GRIK3: variants seen among roughly 807,000 people sequenced by gnomAD.
GRIK3 encodes glutamate ionotropic receptor kainate type subunit 3.
A neutral mutation model predicts 102.5 loss-of-function variants in GRIK3; 29 were observed. The observed-to-expected ratio is 0.28, with a 90% CI of 0.21 to 0.39. GRIK3 has a LOEUF of 0.39. Ranked by LOEUF, GRIK3 falls within the 10% of genes least tolerant of loss-of-function variation. The probability of loss-of-function intolerance (pLI) is 1.00; values close to 1 mark genes in which losing one functional copy is unlikely to be tolerated. For synonymous variants in GRIK3, 511 were observed against 504.9 expected (o/e 1.01, Z -0.16); for missense variants, 908 against 1,252.4 (o/e 0.73, Z 4.15).
At chr1:36,986,469 T>TCAGC (rs781576806) in intron 1 of GRIK3, among the ~76,000 whole-genome samples, 1,739 of 143,840 alleles carry the variant, frequency 0.012, 13 homozygotes, top group Admixed American at 0.024. Context: ...CATCAGCCCA[T>TCAGC]CCATCCATCC....
chr1:37,015,406 C>T (rs889773580), intron 1 of GRIK3, among the ~76,000 whole-genome samples: 11 of 152,194 alleles, frequency 7.2e-5, no homozygotes, highest in Non-Finnish European at 1.6e-4. Flanking sequence ...AAACATCTCC[C>T]AAATTAATCT....
At chr1:36,816,240 C>A (rs759272608) in intron 13 of GRIK3, among the ~76,000 whole-genome samples, 1 of 152,136 alleles carries the variant, frequency 6.6e-6, no homozygotes, top group African/African-American at 2.4e-5. Flanking sequence ...AGAAATAATT[C>A]GAGTACCAGC....
intron 1 of GRIK3, among the ~76,000 whole-genome samples, chr1:36,973,745 A>G (rs1642168040): frequency 6.6e-6 from 1 of 152,046 alleles, no homozygotes; most frequent in Non-Finnish European, 1.5e-5. Context: ...TCACTTCTTT[A>G]GGGAAAAACT....
intron 1 of GRIK3, among the ~76,000 whole-genome samples, chr1:37,031,555 C>G (rs545812563): frequency 1.5e-4 from 23 of 152,228 alleles, no homozygotes; most frequent in Non-Finnish European, 2.2e-4. Flanking sequence ...AAGCCCTCTC[C>G]GGGCTGGTGC....
chr1:36,989,805 C>T (rs1570849363), intron 1 of GRIK3, among the ~76,000 whole-genome samples: 1 of 152,290 alleles, frequency 6.6e-6, no homozygotes, highest in Non-Finnish European at 1.5e-5. Flanking sequence ...TAGCCCTAAC[C>T]CATAGCCTCT....
At chr1:37,022,199 G>A (rs1284836988) in intron 1 of GRIK3, among the ~76,000 whole-genome samples, 1 of 152,224 alleles carries the variant, frequency 6.6e-6, no homozygotes, top group Non-Finnish European at 1.5e-5. Flanking sequence ...AGCCAGTGAT[G>A]TGGTAAAGAC....
intron 10 of GRIK3, among the ~76,000 whole-genome samples, chr1:36,828,184 T>G (rs751848366): frequency 1.3e-4 from 20 of 151,956 alleles, no homozygotes; most frequent in Non-Finnish European, 1.9e-4. Flanking sequence ...GTAGATAGGA[T>G]CCCTTGGTGG....
At chr1:36,993,112 A>G (rs1642380359) in intron 1 of GRIK3, among the ~76,000 whole-genome samples, 1 of 152,150 alleles carries the variant, frequency 6.6e-6, no homozygotes, top group African/African-American at 2.4e-5. Context: ...CAGCCATGGA[A>G]GAAGAGCCAG....
At chr1:36,866,940 C>G (rs1027007887) in intron 5 of GRIK3, among the ~76,000 whole-genome samples, 2 of 152,186 alleles carry the variant, frequency 1.3e-5, no homozygotes, top group Admixed American at 1.3e-4. Flanking sequence ...GTGCTGGGGA[C>G]AGAGAGGTTA....
chr1:36,871,182 C>T (rs1640838725), intron 4 of GRIK3, among the ~76,000 whole-genome samples: 1 of 152,160 alleles, frequency 6.6e-6, no homozygotes, highest in African/African-American at 2.4e-5. Flanking sequence ...TGCTCCAGGG[C>T]ACACAACGTG....
chr1:36,966,082 C>A (rs1557444687), intron 1 of GRIK3, among the ~76,000 whole-genome samples: 1 of 152,188 alleles, frequency 6.6e-6, no homozygotes. Context: ...AGAAATATGC[C>A]CCATGGTCCC....
At position 36,849,920 on chromosome 1, in the gene GRIK3, G is replaced by C. The variant is rs527759416; in HGVS notation, c.1326+391C>G. On this transcript the variant is annotated intron_variant, in intron 9 of 15. Coordinates refer to ENST00000373091, the MANE Select transcript of GRIK3 (RefSeq NM_000831.4). Reference sequence around the variant, plus strand: ...CTCCCAGCACCTGCTGGGCTCTCGAGGTGTGGCCACAGCACCCACCACAGC... The same window carrying C: ...CTCCCAGCACCTGCTGGGCTCTCGACGTGTGGCCACAGCACCCACCACAGC... 25 of 195,468 alleles carry C rather than the reference G, an allele frequency of 1.3e-4. No homozygotes were observed. In the South Asian group the frequency reaches 2.2e-3, roughly 17 times the overall value. 12.1% of individuals were successfully genotyped at this position (195,468 alleles called of 1,614,324 possible). A position where few individuals can be genotyped will look rare whatever the true frequency, so the allele number is the denominator to read the frequency against.
At chr1:36,923,220 C>A (rs2124306372) in intron 1 of GRIK3, among the ~76,000 whole-genome samples, 1 of 152,256 alleles carries the variant, frequency 6.6e-6, no homozygotes, top group Non-Finnish European at 1.5e-5. Context: ...TTGCCCACAG[C>A]AAATGAGGAA....
At chr1:37,008,300 C>A (rs1303105375) in intron 1 of GRIK3, among the ~76,000 whole-genome samples, 1 of 152,336 alleles carries the variant, frequency 6.6e-6, no homozygotes, top group African/African-American at 2.4e-5. Context: ...TGAGCCTCAG[C>A]ATCCTCATCT....
intron 2 of GRIK3, among the ~76,000 whole-genome samples, chr1:36,885,256 T>C (rs771861492): frequency 1.2e-4 from 18 of 152,066 alleles, no homozygotes; most frequent in Non-Finnish European, 1.8e-4. Context: ...GATGTCAGCA[T>C]TGATGAGAGA....
chr1:36,872,443 G>T lies in GRIK3; in HGVS notation c.551-74C>A. The T allele has an allele frequency of 8.1e-7, 1 of 1,228,600 alleles. No individual in the cohort carries two copies. Among genetic ancestry groups the T allele is most frequent in the African/African-American group, 1.5e-5 (1 of 66,134 alleles). The allele number at this position is 1,228,600 out of a possible 1,614,324, so 76.1% of individuals were successfully genotyped here. ...CAGCTCCAGGCATCCACTTGGACTT[G>T]TGTGCACACACATGCCCATGGCCAC... On this transcript the variant is annotated intron_variant, in intron 3 of 15. Coordinates refer to ENST00000373091, the MANE Select transcript of GRIK3 (RefSeq NM_000831.4). This position sits in a 1 kb window ranked among gnomAD's most constrained non-coding sequence, Gnocchi z 5.9.
At position 37,030,500 on chromosome 1, in the gene GRIK3, A is replaced by C. The variant is rs1474040878; in HGVS notation, c.115+3494T>G. Among the ~76,000 whole-genome samples the C allele has an allele frequency of 2.6e-5, 4 of 151,214 alleles. No homozygotes were observed. The East Asian group carries it at 7.7e-4, about 29-fold the overall frequency. ...AGTTCTGCTCTATCTGTAGATGCTC[A>C]GAGTCCAGAGCTGGGCCAACCCTTC... On this transcript the variant is annotated intron_variant, in intron 1 of 15. Coordinates refer to ENST00000373091, the MANE Select transcript of GRIK3 (RefSeq NM_000831.4).
chr1:37,029,347 C>T (rs1297211368), intron 1 of GRIK3, among the ~76,000 whole-genome samples: 4 of 152,220 alleles, frequency 2.6e-5, no homozygotes, highest in Admixed American at 6.5e-5. Flanking sequence ...TGTTGCCAGG[C>T]GGGGTGTGCA....
At chr1:36,876,964 G>T (rs1322873428) in intron 3 of GRIK3, among the ~76,000 whole-genome samples, 1 of 152,110 alleles carries the variant, frequency 6.6e-6, no homozygotes, top group African/African-American at 2.4e-5. Flanking sequence ...AAGAGTATAA[G>T]GATAAAAAAA....
Sources: gnomAD v4.1 joint callset for allele counts (sites outside exome capture counted in the v4.1 genomes callset) on GRCh38, gnomAD v4.1.1 for gene constraint, Gnocchi (gnomAD v3.1) non-coding constraint, MANE v1.5 for transcripts, NCBI Gene and HGNC (gene_info 2026-07-23, HGNC 2026-07-21) for gene names.